PLXNA2: variants seen among roughly 807,000 people sequenced by gnomAD.
The protein encoded by PLXNA2 is plexin-A2.
PLXNA2 carries 91 observed loss-of-function variants against 193.5 expected under a neutral mutation model. The ratio of observed to expected loss-of-function variants is 0.47; its 90% confidence interval spans 0.40 to 0.56. PLXNA2 has a LOEUF of 0.56. Ranked by LOEUF, PLXNA2 falls within the 20% of genes least tolerant of loss-of-function variation. The pLI is 0.00. For synonymous variants in PLXNA2, 997 were observed against 1,027.3 expected (o/e 0.97, Z 0.56); for missense variants, 1,995 against 2,503.2 (o/e 0.80, Z 4.33).
chr1:208,187,592 A>G (rs1440823529), intron 3 of PLXNA2, among the ~76,000 whole-genome samples: 1 of 152,176 alleles, frequency 6.6e-6, no homozygotes, highest in African/African-American at 2.4e-5. Context: ...AAGATAAAAA[A>G]TTTTTTAGAG....
chr1:208,159,633 T>C lies in PLXNA2; in HGVS notation c.1372-17170A>G, dbSNP rs1406128444. On this transcript the variant is annotated intron_variant, in intron 3 of 31. Transcript: ENST00000367033. ...CAACTCCTCTGTGAAGATCTGAAAG[T>C]CTGGTGCTACCGTGACGCCCACTTG... 3.3e-5 allele frequency among the ~76,000 whole-genome samples: 5 copies of C among 152,296 alleles called. No individual in the cohort carries two copies. In the East Asian group the frequency reaches 9.6e-4, roughly 29 times the overall value.
rs141245803 is a variant in PLXNA2, at chr1:208,211,099, G to C, written c.1189-637C>G. On this transcript the variant is annotated intron_variant, in intron 2 of 31. Transcript: ENST00000367033. ...GAACAGTACCTTATACTTTGGAAAA[G>C]TTAATCTACCTATGCCTCAGTTTCT... Among the ~76,000 whole-genome samples, 339 of 152,316 alleles carry C rather than the reference G, an allele frequency of 2.2e-3. 2 individuals carry two copies. Among genetic ancestry groups the C allele is most frequent in the African/African-American group, 7.7e-3 (319 of 41,558 alleles).
At chr1:208,071,632 T>G (rs1665981477) in intron 12 of PLXNA2, among the ~76,000 whole-genome samples, 1 of 152,226 alleles carries the variant, frequency 6.6e-6, no homozygotes, top group African/African-American at 2.4e-5. Flanking sequence ...CTGCCCGGCG[T>G]GAATCCTTGC....
At chr1:208,083,721 G>A (rs1224249570) in intron 10 of PLXNA2, among the ~76,000 whole-genome samples, 1 of 151,998 alleles carries the variant, frequency 6.6e-6, no homozygotes, top group Admixed American at 6.6e-5. Flanking sequence ...ATCTTCTTGG[G>A]GTTAGTATTA....
rs1571831138 is a variant in PLXNA2, at chr1:208,022,377, C to T, written c.*4866G>A. On this transcript the variant is annotated 3_prime_UTR_variant, in exon 32 of 32. Transcript: ENST00000367033. ...GGTACACAATAATATATTAGAATAA[C>T]AAAAAACCCCACTTTATTGGAACAT... 6.6e-6 allele frequency: 1 copy of T among 152,394 alleles called. No individual in the cohort carries two copies. The highest frequency in any genetic ancestry group is 1.9e-4 in the East Asian group (1 of 5,178). 9.4% of individuals were successfully genotyped at this position (152,394 alleles called of 1,614,324 possible). A position where few individuals can be genotyped will look rare whatever the true frequency, so the allele number is the denominator to read the frequency against.
rs78398017 is a variant in PLXNA2, at chr1:208,071,052, G to A, written c.2586+8208C>T. 4.0e-3 allele frequency among the ~76,000 whole-genome samples: 608 copies of A among 152,320 alleles called. 9 individuals carry two copies. The highest frequency in any genetic ancestry group is 0.038 in the East Asian group (195 of 5,182). On this transcript the variant is annotated intron_variant, in intron 12 of 31. Transcript: ENST00000367033. ...GTGGTTGGTGGGGACATTGCCCAGC[G>A]TGGCATTGGCTGCCCCTCTATGGGC...
Position 208,028,064 on chromosome 1 carries a change from T to G in PLXNA2, c.5534A>C (p.Asn1845Thr), listed in dbSNP as rs1396033177. 18 of 1,610,340 alleles carry G rather than the reference T, an allele frequency of 1.1e-5. No homozygotes were observed. Among genetic ancestry groups the G allele is most frequent in the Non-Finnish European group, 1.4e-5 (16 of 1,178,372 alleles). Reference sequence around the variant, plus strand: ...GATCTCATTGAGGGCACTCAGCATGTTGAACTCCACGGCGTGCAGGCGGGA... The same window carrying G: ...GATCTCATTGAGGGCACTCAGCATGGTGAACTCCACGGCGTGCAGGCGGGA... ...EQSRLHAVEF[N>T]MLSALNEIYS... is the part of the protein sequence containing the mutation. Residue 1845 changes from asparagine to threonine, a missense_variant, in exon 31 of 32, where the codon AAC becomes ACC. Asn to Thr is a moderately conservative substitution (Grantham distance 65). This residue lies in a region of PLXNA2 where 1,291 missense variants were observed against 1,673.6 expected (regional missense o/e 0.77). Coordinates refer to ENST00000367033, the MANE Select transcript of PLXNA2 (RefSeq NM_025179.4). This position sits in a 1 kb window ranked among gnomAD's most constrained non-coding sequence, Gnocchi z 4.2.
chr1:208,185,696 CA>C lies in PLXNA2; in HGVS notation c.1371+24583del, dbSNP rs56384277. Among the ~76,000 whole-genome samples, 185 of 57,264 alleles carry C rather than the reference CA, an allele frequency of 3.2e-3. No homozygotes were observed. The East Asian group carries it at 0.041, about 13-fold the overall frequency. 37.6% of individuals were successfully genotyped at this position (57,264 alleles called of 152,430 possible). A position where few individuals can be genotyped will look rare whatever the true frequency, so the allele number is the denominator to read the frequency against. ...TTTATTCCTTGTTGGTCTCTGAAAG[CA>C]AAAAAAAAAAAAAAAAAAAAAGGAA... On this transcript the variant is annotated intron_variant, in intron 3 of 31. Transcript: ENST00000367033.
At chr1:208,214,949 C>T (rs1671077904) in intron 2 of PLXNA2, among the ~76,000 whole-genome samples, 1 of 152,064 alleles carries the variant, frequency 6.6e-6, no homozygotes, top group Non-Finnish European at 1.5e-5. Context: ...CTCTAGCTCT[C>T]TCTCTCTTCC....
chr1:208,060,912 C>G (rs898947291), intron 12 of PLXNA2, 75 bp from the exon 13 acceptor site: 4 of 1,441,202 alleles, frequency 2.8e-6, no homozygotes, highest in Non-Finnish European at 2.9e-6. Context: ...CCCCCTCCCC[C>G]AGGGAGGTTT....
intron 12 of PLXNA2, among the ~76,000 whole-genome samples, chr1:208,066,242 T>C (rs891508718): frequency 3.3e-5 from 5 of 152,304 alleles, no homozygotes; most frequent in African/African-American, 1.2e-4. Flanking sequence ...AAGGAGGGGA[T>C]TGGAGAAAGA....
In PLXNA2 at chr1:208,049,560, C is replaced by T. The variant is rs141339649; in HGVS notation, c.3255+1449G>A. Among the ~76,000 whole-genome samples the T allele has an allele frequency of 1.4e-3, 211 of 152,294 alleles. 2 individuals carry two copies. The highest frequency in any genetic ancestry group is 6.4e-3 in the South Asian group (31 of 4,828). On this transcript the variant is annotated intron_variant, in intron 17 of 31. Coordinates refer to ENST00000367033, the MANE Select transcript of PLXNA2 (RefSeq NM_025179.4). The stretch of plus-strand genomic sequence containing the variant: ...GTGGTACAAGTGCTCCCCAACATCT[C>T]CAGCAGGATGGTAATGTCAAGCCCA...
intron 20 of PLXNA2, 143 bp from the exon 21 acceptor site, chr1:208,043,346 G>A: frequency 1.5e-6 from 1 of 689,414 alleles, no homozygotes; most frequent in Non-Finnish European, 2.4e-6. Flanking sequence ...CAGAGGGCGG[G>A]GCTACTCCCA....
At chr1:208,061,283 T>C (rs1665611327) in intron 12 of PLXNA2, among the ~76,000 whole-genome samples, 2 of 152,180 alleles carry the variant, frequency 1.3e-5, no homozygotes, top group Non-Finnish European at 2.9e-5. Context: ...GAGAGCACTT[T>C]GGAAACCAGA....
intron 23 of PLXNA2, 82 bp downstream of exon 23, chr1:208,039,910 C>A: frequency 6.3e-7 from 1 of 1,577,868 alleles, no homozygotes; most frequent in Non-Finnish European, 8.7e-7. Context: ...GGAGGGGGTC[C>A]CCATGCAGCC....
At chr1:208,160,216 C>A (rs2102513012) in intron 3 of PLXNA2, among the ~76,000 whole-genome samples, 1 of 152,292 alleles carries the variant, frequency 6.6e-6, no homozygotes, top group Admixed American at 6.5e-5. Flanking sequence ...TAGTACAACC[C>A]CCCCCGCCCA....
intron 1 of PLXNA2, among the ~76,000 whole-genome samples, chr1:208,224,060 C>T (rs531282099): frequency 2.6e-5 from 4 of 152,152 alleles, no homozygotes; most frequent in South Asian, 2.1e-4. Context: ...TGCAGCTGTA[C>T]GTGCAAGCAT....
At chr1:208,142,192 C>A (rs1299822832) in intron 4 of PLXNA2, 137 bp downstream of exon 4, 1 of 915,404 alleles carries the variant, frequency 1.1e-6, no homozygotes, top group Non-Finnish European at 1.6e-6. Context: ...AGCCTACAGG[C>A]ACTCTGCCTC....
At chr1:208,070,854 A>G (rs1332373709) in intron 12 of PLXNA2, among the ~76,000 whole-genome samples, 1 of 152,202 alleles carries the variant, frequency 6.6e-6, no homozygotes, top group Non-Finnish European at 1.5e-5. Context: ...GTTAGCTATG[A>G]TTTTTCTCAT....
Sources: gnomAD v4.1 joint callset for allele counts (sites outside exome capture counted in the v4.1 genomes callset) on GRCh38, gnomAD v4.1.1 for gene constraint, gnomAD v4.1.1 regional missense constraint, Gnocchi (gnomAD v3.1) non-coding constraint, MANE v1.5 for transcripts, NCBI Gene and HGNC (gene_info 2026-07-23, HGNC 2026-07-21) for gene names.